CNTNAP2: variants seen among roughly 807,000 people sequenced by gnomAD.
CNTNAP2 encodes contactin associated protein 2, also known as contactin-associated protein-like 2.
In CNTNAP2, 98 loss-of-function variants were observed where a neutral mutation model predicts 155.2. The observed-to-expected ratio is 0.63, with a 90% CI of 0.54 to 0.75. CNTNAP2 has a LOEUF of 0.75. Among genes scored for constraint, CNTNAP2 ranks in the 30% least tolerant of loss-of-function variants. CNTNAP2 has a pLI of 0.00. For synonymous variants in CNTNAP2, 651 were observed against 631.2 expected (o/e 1.03, Z -0.47); for missense variants, 1,727 against 1,688.1 (o/e 1.02, Z -0.40).
chr7:148,395,771 CTTCTG>C (rs1052520919), intron 22 of CNTNAP2, among the ~76,000 whole-genome samples: 1 of 152,166 alleles, frequency 6.6e-6, no homozygotes, highest in African/African-American at 2.4e-5. Flanking sequence ...TATTCAAAGA[CTTCTG>C]TTCTGTCTTA....
chr7:148,141,243 A>G (rs1461699640), intron 16 of CNTNAP2, among the ~76,000 whole-genome samples: 2 of 152,256 alleles, frequency 1.3e-5, no homozygotes, highest in African/African-American at 2.4e-5. Context: ...CAATAAAGCA[A>G]AGGGAGAAAA....
chr7:148,187,732 C>G (rs1455992159), intron 18 of CNTNAP2, among the ~76,000 whole-genome samples: 1 of 152,158 alleles, frequency 6.6e-6, no homozygotes, highest in African/African-American at 2.4e-5. Flanking sequence ...CATGGCCATA[C>G]TCTGATCCCA....
In CNTNAP2 at chr7:146,707,144, G is replaced by A. The variant is rs139790289; in HGVS notation, c.98-67127G>A. ...AGGCAACACTTTTCATGACCATTCTGGGTGGCCATTGCTGCTTTTTCTATC... is the reference window on the plus strand; with the variant it reads ...AGGCAACACTTTTCATGACCATTCTAGGTGGCCATTGCTGCTTTTTCTATC... On this transcript the variant is annotated intron_variant, in intron 1 of 23. Transcript: ENST00000361727. 3.5e-3 allele frequency among the ~76,000 whole-genome samples: 529 copies of A among 152,212 alleles called. 1 individual carries two copies. Among genetic ancestry groups the A allele is most frequent in the African/African-American group, 0.012 (495 of 41,546 alleles).
At chr7:147,453,898 C>G (rs1797875884) in intron 10 of CNTNAP2, among the ~76,000 whole-genome samples, 1 of 152,084 alleles carries the variant, frequency 6.6e-6, no homozygotes, top group Non-Finnish European at 1.5e-5. Context: ...TGTATTCTTC[C>G]CACGTATCTA....
chr7:147,313,931 T>A (rs1305574438), intron 9 of CNTNAP2, among the ~76,000 whole-genome samples: 1 of 150,934 alleles, frequency 6.6e-6, no homozygotes, highest in Non-Finnish European at 1.5e-5. Flanking sequence ...TATCCTCTTT[T>A]ATTTCATTGA....
chr7:147,144,756 A>ACAC (rs1801666967), intron 8 of CNTNAP2, among the ~76,000 whole-genome samples: 1 of 152,226 alleles, frequency 6.6e-6, no homozygotes, highest in South Asian at 2.1e-4. Flanking sequence ...AATACACAAT[A>ACAC]AGTTTATTAC....
chr7:148,032,339 A>C (rs1802492788), intron 15 of CNTNAP2, among the ~76,000 whole-genome samples: 1 of 152,152 alleles, frequency 6.6e-6, no homozygotes, highest in Non-Finnish European at 1.5e-5. Context: ...TCTCAGACAA[A>C]GTTTCTGGGC....
At chr7:148,032,447 A>G (rs1802495610) in intron 15 of CNTNAP2, among the ~76,000 whole-genome samples, 1 of 152,164 alleles carries the variant, frequency 6.6e-6, no homozygotes, top group African/African-American at 2.4e-5. Flanking sequence ...GTCAGACCGA[A>G]GGAGCTACCG....
intron 4 of CNTNAP2, among the ~76,000 whole-genome samples, chr7:147,088,895 G>A (rs577341586): frequency 3.4e-4 from 52 of 152,224 alleles, no homozygotes; most frequent in African/African-American, 1.2e-3. Flanking sequence ...AGTGGGCTGT[G>A]ATCATACCAC....
At chr7:147,862,873 G>T (rs1799160719) in intron 13 of CNTNAP2, among the ~76,000 whole-genome samples, 2 of 151,866 alleles carry the variant, frequency 1.3e-5, no homozygotes, top group Admixed American at 1.3e-4. Context: ...ATTTCCAAAG[G>T]TATTATCCAA....
At chr7:146,382,076 A>G (rs1795397950) in intron 1 of CNTNAP2, among the ~76,000 whole-genome samples, 1 of 152,162 alleles carries the variant, frequency 6.6e-6, no homozygotes, top group Admixed American at 6.5e-5. Flanking sequence ...AAATATCAAG[A>G]TATTTTTCTG....
At chr7:147,300,018 G>A (rs921750868) in intron 8 of CNTNAP2, 123 bp from the exon 9 acceptor site, 6 of 1,015,796 alleles carry the variant, frequency 5.9e-6, no homozygotes, top group African/African-American at 1.6e-5. Flanking sequence ...TGAATTGTAA[G>A]CAGCACTGTA....
At chr7:146,665,499 C>T (rs2372762) in intron 1 of CNTNAP2, among the ~76,000 whole-genome samples, 119,836 of 151,538 alleles carry the variant, frequency 0.79, 47,959 homozygotes, top group South Asian at 0.91. Context: ...AGATACATTT[C>T]GGCTGGGTGC....
At chr7:148,243,531 G>A (rs956695369) in intron 20 of CNTNAP2, among the ~76,000 whole-genome samples, 2 of 152,168 alleles carry the variant, frequency 1.3e-5, no homozygotes, top group African/African-American at 2.4e-5. Context: ...AAGGCAAGGA[G>A]GAGCAAGTCA....
In CNTNAP2 at chr7:147,338,440, A is replaced by G. The variant is rs545312906; in HGVS notation, c.1498+38150A>G. 3.3e-5 allele frequency among the ~76,000 whole-genome samples: 5 copies of G among 152,262 alleles called. No individual in the cohort carries two copies. In the South Asian group the frequency reaches 1.0e-3, roughly 32 times the overall value. ...GGGCAGTCTACACTGATTTTTTTAA[A>G]CCAAATATAGAACATAAGAAGAAAG... On this transcript the variant is annotated intron_variant, in intron 9 of 23. Transcript: ENST00000361727.
Position 147,257,724 on chromosome 7 carries a change from AG to A in CNTNAP2, c.1349-42415del, listed in dbSNP as rs1804364712. Reference sequence around the variant, plus strand: ...CATGAATAAGGGACCCTCTGTGTGAAGGAAGTTAAGGATCTTTTCACATGGA... The same window carrying A: ...CATGAATAAGGGACCCTCTGTGTGAAGAAGTTAAGGATCTTTTCACATGGA... On this transcript the variant is annotated intron_variant, in intron 8 of 23. Transcript: ENST00000361727. Among the ~76,000 whole-genome samples, 3 of 152,218 alleles carry A rather than the reference AG, an allele frequency of 2.0e-5. No homozygotes were observed. The South Asian group carries it at 6.2e-4, about 32-fold the overall frequency.
intron 13 of CNTNAP2, among the ~76,000 whole-genome samples, chr7:147,674,730 T>A (rs983174130): frequency 6.6e-6 from 1 of 152,184 alleles, no homozygotes; most frequent in Non-Finnish European, 1.5e-5. Context: ...ATTTATTCCT[T>A]ATTACAATAT....
intron 10 of CNTNAP2, among the ~76,000 whole-genome samples, chr7:147,462,238 C>T (rs772753275): frequency 1.1e-4 from 17 of 152,186 alleles, no homozygotes; most frequent in Admixed American, 2.0e-4. Flanking sequence ...CCACAGTATC[C>T]TGCCCATGCG....
At chr7:147,292,185 T>A (rs1410958082) in intron 8 of CNTNAP2, among the ~76,000 whole-genome samples, 1 of 152,146 alleles carries the variant, frequency 6.6e-6, no homozygotes, top group Non-Finnish European at 1.5e-5. Context: ...AGGTCTCAAA[T>A]CCTTTCAGAA....
Sources: allele counts gnomAD v4.1 joint callset (sites outside exome capture counted in the v4.1 genomes callset), GRCh38; gene constraint gnomAD v4.1.1; transcripts MANE v1.5; gene names NCBI Gene and HGNC (gene_info 2026-07-23, HGNC 2026-07-21).